DACH1: variants seen among roughly 807,000 people sequenced by gnomAD.
DACH1 encodes dachshund family transcription factor 1.
Under a neutral mutation model 54.2 loss-of-function variants are expected in DACH1, and 12 were observed. That is an observed-to-expected ratio of 0.22 (90% CI 0.14 to 0.36). The LOEUF (loss-of-function observed/expected upper bound fraction) is 0.36, where lower values mean the gene tolerates loss of function less well. Ranked by LOEUF, DACH1 falls within the 10% of genes least tolerant of loss-of-function variation. The pLI is 1.00. For missense variants in DACH1, 805 were observed against 929.8 expected, an observed-to-expected ratio of 0.87 and a Z score of 1.75; for synonymous variants, 386 against 366.2, an observed-to-expected ratio of 1.05 and a Z score of -0.62.
intron 3 of DACH1, among the ~76,000 whole-genome samples, chr13:71,583,217 T>C (rs563288966): frequency 1.3e-5 from 2 of 152,188 alleles, no homozygotes; most frequent in Non-Finnish European, 2.9e-5. Context: ...AATGATTCAA[T>C]GTCTGACTCG....
intron 7 of DACH1, among the ~76,000 whole-genome samples, chr13:71,480,956 C>CTTT (rs10647124): frequency 2.0e-5 from 3 of 151,972 alleles, no homozygotes; most frequent in Admixed American, 6.6e-5. Context: ...CCTCCCCACT[C>CTTT]TTTTGTTTAA....
intron 1 of DACH1, among the ~76,000 whole-genome samples, chr13:71,776,415 A>G (rs1363139849): frequency 6.6e-6 from 1 of 152,122 alleles, no homozygotes; most frequent in African/African-American, 2.4e-5. Flanking sequence ...TTAATTTTGG[A>G]AATACCTAAA....
At chr13:71,634,893 T>A (rs1877361254) in intron 2 of DACH1, among the ~76,000 whole-genome samples, 1 of 152,192 alleles carries the variant, frequency 6.6e-6, no homozygotes, top group South Asian at 2.1e-4. Flanking sequence ...ATTCTACAGG[T>A]CATTTTAATA....
At chr13:71,711,641 A>G (rs1054795689) in intron 1 of DACH1, among the ~76,000 whole-genome samples, 1 of 152,178 alleles carries the variant, frequency 6.6e-6, no homozygotes, top group Non-Finnish European at 1.5e-5. Context: ...AACCAGAATT[A>G]ATTTTTTTTA....
rs559267049 is a variant in DACH1 at position 71,837,453 on chromosome 13, C to T, written c.848+28469G>A. On this transcript the variant is annotated intron_variant, in intron 1 of 10. Transcript: ENST00000613252. ...GAAGTAGTGAGAGTGTAACAGACAC[C>T]TGAGCTGGAAACTTGGGTAACTGTT... Among the ~76,000 whole-genome samples the T allele has an allele frequency of 3.9e-5, 6 of 152,018 alleles. No individual in the cohort carries two copies. The East Asian group carries it at 1.2e-3, about 30-fold the overall frequency.
intron 1 of DACH1, among the ~76,000 whole-genome samples, chr13:71,790,253 T>A (rs1886778533): frequency 6.6e-6 from 1 of 152,166 alleles, no homozygotes; most frequent in South Asian, 2.1e-4. Context: ...ACGAATGCTT[T>A]AGTCGAACCT....
chr13:71,638,635 C>T (rs541447500), intron 2 of DACH1, among the ~76,000 whole-genome samples: 1 of 152,034 alleles, frequency 6.6e-6, no homozygotes, highest in East Asian at 1.9e-4. Flanking sequence ...TTCTGTTGAA[C>T]TAGAAGATTA....
At chr13:71,635,503 A>C (rs188434448) in intron 2 of DACH1, among the ~76,000 whole-genome samples, 57 of 152,330 alleles carry the variant, frequency 3.7e-4, no homozygotes, top group Non-Finnish European at 6.9e-4. Context: ...ACAACAACAA[A>C]AAAATTCATG....
At chr13:71,579,430 A>C (rs1370381266) in intron 3 of DACH1, among the ~76,000 whole-genome samples, 1 of 152,098 alleles carries the variant, frequency 6.6e-6, no homozygotes, top group African/African-American at 2.4e-5. Flanking sequence ...ATTGAACTAA[A>C]GAGAACGGGA....
At chr13:71,481,773 G>T (rs1393384379) in intron 7 of DACH1, among the ~76,000 whole-genome samples, 1 of 152,102 alleles carries the variant, frequency 6.6e-6, no homozygotes, top group Non-Finnish European at 1.5e-5. Context: ...TGCAGCAGGG[G>T]GCTGGGAAAA....
At chr13:71,512,644 G>T (rs1330618680) in intron 6 of DACH1, among the ~76,000 whole-genome samples, 1 of 151,800 alleles carries the variant, frequency 6.6e-6, no homozygotes, top group Non-Finnish European at 1.5e-5. Context: ...ATATAGTGTT[G>T]TCAGATCCTG....
chr13:71,439,135 T>G lies in DACH1; in HGVS notation c.*1520A>C, dbSNP rs1030120404. 6.6e-6 allele frequency: 1 copy of G among 152,426 alleles called. No homozygotes were observed. The highest frequency in any genetic ancestry group is 2.4e-5 in the African/African-American group (1 of 41,422). The allele number at this position is 152,426 out of a possible 1,614,324, so 9.4% of individuals were successfully genotyped here. ...CATTTTAAGCTAGTTTTCTTAGACA[T>G]TGAAGATTTTGCTGTTTTGTGGTAA... On this transcript the variant is annotated 3_prime_UTR_variant, in exon 11 of 11. Transcript: ENST00000613252.
intron 3 of DACH1, among the ~76,000 whole-genome samples, chr13:71,586,020 G>C (rs1014363120): frequency 1.3e-5 from 2 of 152,156 alleles, no homozygotes; most frequent in Non-Finnish European, 2.9e-5. Flanking sequence ...AGGACAAGTG[G>C]TTACTGCATA....
At chr13:71,806,185 A>G (rs1673912571) in intron 1 of DACH1, among the ~76,000 whole-genome samples, 2 of 152,274 alleles carry the variant, frequency 1.3e-5, no homozygotes, top group South Asian at 4.1e-4. Context: ...TCCTAAAGAG[A>G]TATATTCTTC....
chr13:71,520,625 A>G (rs1252195087), intron 6 of DACH1, among the ~76,000 whole-genome samples: 1 of 151,710 alleles, frequency 6.6e-6, no homozygotes, highest in Admixed American at 6.6e-5. Context: ...CTATACACAC[A>G]AAAAAACTAT....
intron 2 of DACH1, among the ~76,000 whole-genome samples, chr13:71,639,613 T>C (rs999507433): frequency 9.2e-5 from 14 of 152,088 alleles, no homozygotes; most frequent in Non-Finnish European, 1.6e-4. Context: ...AGATTTAGCA[T>C]TCTTTTTCTG....
intron 1 of DACH1, among the ~76,000 whole-genome samples, chr13:71,815,414 A>C (rs1019351255): frequency 6.6e-6 from 1 of 152,188 alleles, no homozygotes; most frequent in Non-Finnish European, 1.5e-5. Context: ...ACTGTTTCTT[A>C]ACTTGGTGAA....
intron 10 of DACH1, among the ~76,000 whole-genome samples, chr13:71,442,254 A>C (rs1010030986): frequency 6.6e-6 from 1 of 152,068 alleles, no homozygotes; most frequent in Non-Finnish European, 1.5e-5. Flanking sequence ...TAATGGTTTT[A>C]ATTTTTAGCT....
chr13:71,730,450 T>C (rs1007413691), intron 1 of DACH1, among the ~76,000 whole-genome samples: 1 of 152,190 alleles, frequency 6.6e-6, no homozygotes, highest in Admixed American at 6.5e-5. Context: ...ACAAGTCTAC[T>C]CATTCTGAAT....
Sources: allele counts gnomAD v4.1 joint callset (sites outside exome capture counted in the v4.1 genomes callset), GRCh38; gene constraint gnomAD v4.1.1; transcripts MANE v1.5; gene names NCBI Gene and HGNC (gene_info 2026-07-23, HGNC 2026-07-21).